TPCN1: variants seen among roughly 807,000 people sequenced by gnomAD.
TPCN1 encodes the protein two pore segment channel 1.
Under a neutral mutation model 108.8 loss-of-function variants are expected in TPCN1, and 52 were observed. The observed-to-expected ratio is 0.48, with a 90% CI of 0.38 to 0.60. The LOEUF is 0.60. Among genes scored for constraint, TPCN1 ranks in the 20% least tolerant of loss-of-function variants. TPCN1 has a pLI of 0.00. For synonymous variants in TPCN1, 446 were observed against 433.7 expected (o/e 1.03, Z -0.35); for missense variants, 806 against 1,072.8 (o/e 0.75, Z 3.47).
intron 2 of TPCN1, chr12:113,244,269 TCCTTTGGCTTAAG>T (rs1954263279): frequency 1.0e-5 from 10 of 982,046 alleles, no homozygotes; most frequent in Non-Finnish European, 1.2e-5. Flanking sequence ...TTCCCTTTCC[TCCTTTGGCTTAAG>T]CCTTTGGCAG....
At chr12:113,285,264 G>A (rs569892590) in intron 17 of TPCN1, among the ~76,000 whole-genome samples, 1 of 152,330 alleles carries the variant, frequency 6.6e-6, no homozygotes, top group African/African-American at 2.4e-5. Context: ...GGTCACTTTT[G>A]CACACCTGGT....
chr12:113,230,283 CTTT>C (rs71086152), intron 2 of TPCN1, among the ~76,000 whole-genome samples: 2 of 108,936 alleles, frequency 1.8e-5, no homozygotes, highest in Non-Finnish European at 3.7e-5. Context: ...ATCCATTCAT[CTTT>C]TTTTTTTTTT....
At chr12:113,245,525 C>T (rs1248727692) in intron 2 of TPCN1, among the ~76,000 whole-genome samples, 2 of 138,712 alleles carry the variant, frequency 1.4e-5, no homozygotes, top group South Asian at 2.3e-4. Context: ...GGCGTGAGCC[C>T]GGGAGGCGGA....
rs1462233155 is a variant in TPCN1 at position 113,268,834 on chromosome 12, T to C, written c.621T>C (p.Ile207=). 6.2e-7 allele frequency: 1 copy of C among 1,614,044 alleles called. No homozygotes were observed. The highest frequency in any genetic ancestry group is 1.7e-5 in the Admixed American group (1 of 60,020). The change falls in exon 6 of 28, where the codon ATT becomes ATC. Residue 207 remains isoleucine, a synonymous_variant. Coordinates refer to ENST00000335509, the MANE Select transcript of TPCN1 (RefSeq NM_017901.6). The surrounding 1 kb of genome is among the most constrained non-coding windows in gnomAD (Gnocchi z 7.3). ...GGGTGACCCGAGCACTGCGCTGCAT[T>C]TTCCTGGTGGACTGTCGGTATTGCG... The part of the protein sequence containing the change: ...HVRVTRALRC[I]FLVDCRYCGG...
At chr12:113,249,317 G>A (rs910930839) in intron 2 of TPCN1, 2 of 152,228 alleles carry the variant, frequency 1.3e-5, no homozygotes, top group South Asian at 4.1e-4. Flanking sequence ...ACAGTGGCCG[G>A]CGTACCGCAC....
Position 113,269,872 on chromosome 12 carries a change from T to G in TPCN1, c.748+27T>G. ...TGAGTTCCCGCCTCTCAGGCCCAGG[T>G]GCGCTGGAAAAGCAAGTTCACGGTG... On this transcript the variant is annotated intron_variant, in intron 7 of 27. Coordinates refer to ENST00000335509, the MANE Select transcript of TPCN1 (RefSeq NM_017901.6). This position sits in a 1 kb window ranked among gnomAD's most constrained non-coding sequence, Gnocchi z 5.0. The G allele has an allele frequency of 6.2e-7, 1 of 1,611,418 alleles. No individual in the cohort carries two copies. Among genetic ancestry groups the G allele is most frequent in the Non-Finnish European group, 8.5e-7 (1 of 1,178,092 alleles).
intron 2 of TPCN1, among the ~76,000 whole-genome samples, chr12:113,228,887 A>G (rs1464935972): frequency 1.3e-5 from 2 of 152,156 alleles, no homozygotes; most frequent in Non-Finnish European, 2.9e-5. Context: ...TGGTTGGCCT[A>G]CTAAGGGTGT....
rs1409604176 is a variant in TPCN1, at chr12:113,269,207, C to T, written c.659+335C>T. 6.6e-6 allele frequency among the ~76,000 whole-genome samples: 1 copy of T among 152,244 alleles called. No individual in the cohort carries two copies. The highest frequency in any genetic ancestry group is 6.5e-5 in the Admixed American group (1 of 15,284). ...CACAAGCAGACTCTCCTGCCACCTC[C>T]ATCGAGGCTGTAGGACCAAACTCAA... On this transcript the variant is annotated intron_variant, in intron 6 of 27. Coordinates refer to ENST00000335509, the MANE Select transcript of TPCN1 (RefSeq NM_017901.6). This position sits in a 1 kb window ranked among gnomAD's most constrained non-coding sequence, Gnocchi z 5.0.
chr12:113,241,767 T>TGC (rs1467034668), intron 2 of TPCN1, among the ~76,000 whole-genome samples: 3 of 146,992 alleles, frequency 2.0e-5, no homozygotes, highest in African/African-American at 7.9e-5. Context: ...TCTGCGTGTG[T>TGC]GTGTGTGTGT....
chr12:113,268,889 G>A lies in TPCN1; in HGVS notation c.659+17G>A. 1.9e-6 allele frequency: 3 copies of A among 1,613,352 alleles called. No homozygotes were observed. The highest frequency in any genetic ancestry group is 2.5e-6 in the Non-Finnish European group (3 of 1,179,726). The stretch of plus-strand genomic sequence containing the variant: ...CGTCCGGCGGTAAGGCCCGGGTGGG[G>A]AGCTGGGCAGTCACTATCCTGGCAT... On this transcript the variant is annotated intron_variant, in intron 6 of 27. Transcript: ENST00000335509. The surrounding 1 kb of genome is among the most constrained non-coding windows in gnomAD (Gnocchi z 7.3).
intron 2 of TPCN1, among the ~76,000 whole-genome samples, chr12:113,258,209 A>G (rs1954894082): frequency 6.6e-6 from 1 of 152,200 alleles, no homozygotes; most frequent in African/African-American, 2.4e-5. Flanking sequence ...GCTCACATCT[A>G]TAATCCCAGA....
intron 3 of TPCN1, among the ~76,000 whole-genome samples, chr12:113,260,900 A>G (rs1250801607): frequency 6.6e-6 from 1 of 151,800 alleles, no homozygotes; most frequent in African/African-American, 2.4e-5. Flanking sequence ...TTTTTTGAAA[A>G]ATATATTTTT....
rs148115696 is a variant in TPCN1, at chr12:113,240,028, G to C, written c.112+13064G>C. Among the ~76,000 whole-genome samples, 28 of 152,098 alleles carry C rather than the reference G, an allele frequency of 1.8e-4. No individual in the cohort carries two copies. In the East Asian group the frequency reaches 5.4e-3, roughly 29 times the overall value. On this transcript the variant is annotated intron_variant, in intron 2 of 27. Coordinates refer to ENST00000335509, the MANE Select transcript of TPCN1 (RefSeq NM_017901.6). ...ATGATGTCTTCTCTCTGTGACTCTCGAGGGGCCTCTCTTCTTGCGGGCTCG... is the reference window on the plus strand; with the variant it reads ...ATGATGTCTTCTCTCTGTGACTCTCCAGGGGCCTCTCTTCTTGCGGGCTCG...
At chr12:113,250,011 A>G (rs923442107) in intron 2 of TPCN1, 3 of 152,266 alleles carry the variant, frequency 2.0e-5, no homozygotes, top group Admixed American at 6.5e-5. Flanking sequence ...TTTCACCTAT[A>G]AAGTGCTGAG....
intron 3 of TPCN1, among the ~76,000 whole-genome samples, chr12:113,265,548 CTTTT>C (rs773726528): frequency 1.4e-5 from 2 of 140,948 alleles, no homozygotes; most frequent in Non-Finnish European, 3.1e-5. Context: ...CTTTTTCTTT[CTTTT>C]TTTTTTTTTT....
At chr12:113,256,196 T>A (rs565051649) in intron 2 of TPCN1, among the ~76,000 whole-genome samples, 17 of 152,236 alleles carry the variant, frequency 1.1e-4, no homozygotes, top group African/African-American at 4.1e-4. Context: ...TAGGTTTCTA[T>A]TGATTGATTG....
intron 1 of TPCN1, among the ~76,000 whole-genome samples, chr12:113,223,188 C>T (rs61943580): frequency 0.059 from 8,974 of 152,244 alleles, 363 homozygotes; most frequent in Middle Eastern, 0.071. Flanking sequence ...CAGAGAGCTA[C>T]GGGCTTAGCA....
In TPCN1 at chr12:113,273,758, C is replaced by T. The variant is rs1362000553; in HGVS notation, c.942+90C>T. The T allele has an allele frequency of 5.7e-6, 6 of 1,060,164 alleles. No individual in the cohort carries two copies. The highest frequency in any genetic ancestry group is 8.8e-6 in the Non-Finnish European group (6 of 682,294). 65.7% of individuals were successfully genotyped at this position (1,060,164 alleles called of 1,614,324 possible). A position where few individuals can be genotyped will look rare whatever the true frequency, so the allele number is the denominator to read the frequency against. ...GTGGGAGTGGAGAAGTGGGGACTGTCTTCTGCCTCTCAGGGCAGAACGTTG... is the reference window on the plus strand; with the variant it reads ...GTGGGAGTGGAGAAGTGGGGACTGTTTTCTGCCTCTCAGGGCAGAACGTTG... On this transcript the variant is annotated intron_variant, in intron 10 of 27. Coordinates refer to ENST00000335509, the MANE Select transcript of TPCN1 (RefSeq NM_017901.6). This position sits in a 1 kb window ranked among gnomAD's most constrained non-coding sequence, Gnocchi z 4.0.
At position 113,221,677 on chromosome 12, in the gene TPCN1, C is replaced by A. The variant is rs997736678; in HGVS notation, c.-126+51C>A. The A allele has an allele frequency of 9.4e-5, 16 of 169,982 alleles. 1 individual carries two copies. The highest frequency in any genetic ancestry group is 3.6e-4 in the African/African-American group (15 of 41,628). The allele number at this position is 169,982 out of a possible 1,614,324, so 10.5% of individuals were successfully genotyped here. On this transcript the variant is annotated intron_variant, in intron 1 of 27. Coordinates refer to ENST00000335509, the MANE Select transcript of TPCN1 (RefSeq NM_017901.6). ...TTGGCCCGAGGGAGAGGGCAGGGAT[C>A]AGGGGTCAGAGGACGCGGAGTAAGG...
Sources: allele counts gnomAD v4.1 joint callset (sites outside exome capture counted in the v4.1 genomes callset), GRCh38; gene constraint gnomAD v4.1.1; non-coding constraint Gnocchi (gnomAD v3.1); transcripts MANE v1.5; gene names NCBI Gene and HGNC (gene_info 2026-07-23, HGNC 2026-07-21).